The following CRACD variants were observed in gnomAD, a reference collection of about 807,000 sequenced individuals.
CRACD encodes the protein capping protein inhibiting regulator of actin dynamics.
A neutral mutation model predicts 106.8 loss-of-function variants in CRACD; 56 were observed. That is an observed-to-expected ratio of 0.52 (90% CI 0.42 to 0.66). CRACD has a LOEUF of 0.66. CRACD is among the 30% of genes least tolerant of loss of function. The pLI is 0.00. For missense variants in CRACD, 1,730 were observed against 1,623.2 expected (o/e 1.07, Z -1.13); for synonymous variants, 754 against 670.8 (o/e 1.12, Z -1.92).
At position 56,298,275 on chromosome 4, in the gene CRACD, G is replaced by C. The variant is rs202033143; in HGVS notation, c.46G>C (p.Gly16Arg). The change falls in exon 4 of 11, where the codon GGG (glycine) becomes CGG (arginine). Residue 16 changes from glycine (G) to arginine (R), a missense_variant. This residue lies in a region of CRACD where 1,620 missense variants were observed against 1,481.6 expected (regional missense o/e 1.09). Coordinates refer to ENST00000682029, the MANE Select transcript of CRACD (RefSeq NM_001393381.1). Reference sequence around the variant, plus strand: ...CCATGACAGTATTTTTATCCCTGATGGGGGAGCAGAAAGTGAGCAGACAGT... The same window carrying C: ...CCATGACAGTATTTTTATCCCTGATCGGGGAGCAGAAAGTGAGCAGACAGT... ...FSHDSIFIPD[G>R]GAESEQTVQA... The C allele has an allele frequency of 3.1e-6, 5 of 1,614,010 alleles. No individual in the cohort carries two copies. The African/African-American group carries it at 6.7e-5, about 22-fold the overall frequency.
intron 2 of CRACD, among the ~76,000 whole-genome samples, chr4:56,198,303 A>T (rs1737717129): frequency 6.6e-6 from 1 of 152,208 alleles, no homozygotes; most frequent in African/African-American, 2.4e-5. Context: ...AAAAGAAGAG[A>T]GGAGGTGCAC....
Position 56,152,463 on chromosome 4 carries a change from G to A in CRACD, c.-335-26821G>A, listed in dbSNP as rs116167660. Among the ~76,000 whole-genome samples, 1,075 of 151,620 alleles carry A rather than the reference G, an allele frequency of 7.1e-3. 9 individuals carry two copies. Among genetic ancestry groups the A allele is most frequent in the African/African-American group, 0.02 (807 of 41,370 alleles). ...AGCCTGGACAACATACCAAGGCCTT[G>A]TCTCTACAAAAAAAGAAAAAAAAAA... is the stretch of plus-strand genomic sequence containing the variant. On this transcript the variant is annotated intron_variant, in intron 1 of 10. Transcript: ENST00000682029.
intron 1 of CRACD, among the ~76,000 whole-genome samples, chr4:56,077,771 G>C (rs1431648818): frequency 6.6e-6 from 1 of 152,118 alleles, no homozygotes; most frequent in African/African-American, 2.4e-5. Context: ...TACTCTAATG[G>C]GGTGTACAAT....
chr4:56,065,212 C>T (rs1002225369), intron 1 of CRACD, among the ~76,000 whole-genome samples: 75 of 152,032 alleles, frequency 4.9e-4, no homozygotes, highest in African/African-American at 1.4e-3. Context: ...CTCAGCCTCC[C>T]GAGTAGCTGG....
intron 1 of CRACD, among the ~76,000 whole-genome samples, chr4:56,084,568 A>G (rs974791450): frequency 3.3e-5 from 5 of 152,158 alleles, no homozygotes; most frequent in African/African-American, 1.2e-4. Context: ...TAATATTGTT[A>G]CAGTTGGGGT....
intron 2 of CRACD, among the ~76,000 whole-genome samples, chr4:56,198,884 T>A (rs778396666): frequency 7.2e-5 from 11 of 152,228 alleles, no homozygotes; most frequent in Non-Finnish European, 1.2e-4. Context: ...TGATTCAGAT[T>A]TCATAAAATC....
intron 2 of CRACD, among the ~76,000 whole-genome samples, chr4:56,237,756 ACACAC>A (rs1740068358): frequency 1.3e-5 from 2 of 151,060 alleles, no homozygotes; most frequent in South Asian, 2.1e-4. Context: ...ACACACACAC[ACACAC>A]AAACACATAC....
intron 3 of CRACD, among the ~76,000 whole-genome samples, chr4:56,290,977 T>G (rs1182611028): frequency 1.3e-5 from 2 of 152,234 alleles, no homozygotes; most frequent in Non-Finnish European, 2.9e-5. Context: ...GTGCTTTGCA[T>G]TTGACTTCAA....
intron 1 of CRACD, among the ~76,000 whole-genome samples, chr4:56,111,161 G>T (rs1211975769): frequency 6.6e-6 from 1 of 152,084 alleles, no homozygotes; most frequent in African/African-American, 2.4e-5. Context: ...CGTACAAAAT[G>T]ATGGAACAAC....
At chr4:56,067,875 T>C (rs1692452728) in intron 1 of CRACD, among the ~76,000 whole-genome samples, 2 of 152,164 alleles carry the variant, frequency 1.3e-5, no homozygotes, top group Non-Finnish European at 2.9e-5. Flanking sequence ...CGCGCCTGGC[T>C]GTCTACTTCA....
At position 56,310,837 on chromosome 4, in the gene CRACD, A is replaced by G. The variant is rs1228389569; in HGVS notation, c.354+103A>G. 7 of 670,700 alleles carry G rather than the reference A, an allele frequency of 1.0e-5. No homozygotes were observed. The East Asian group carries it at 1.4e-4, about 13-fold the overall frequency. The allele number at this position is 670,700 out of a possible 1,614,324, so 41.5% of individuals were successfully genotyped here. A position where few individuals can be genotyped will look rare whatever the true frequency, so the allele number is the denominator to read the frequency against. Reference sequence around the variant, plus strand: ...CGACCTGCTGCCTCATTTTCCATTCATAAATGTTGCCTTCATATATTTAAA... The same window carrying G: ...CGACCTGCTGCCTCATTTTCCATTCGTAAATGTTGCCTTCATATATTTAAA... On this transcript the variant is annotated intron_variant, in intron 6 of 10. Coordinates refer to ENST00000682029, the MANE Select transcript of CRACD (RefSeq NM_001393381.1).
intron 3 of CRACD, among the ~76,000 whole-genome samples, chr4:56,283,635 C>A (rs532812523): frequency 7.9e-4 from 120 of 152,276 alleles, no homozygotes; most frequent in African/African-American, 2.9e-3. Flanking sequence ...CTAGGAGGAG[C>A]AGTTACTGGC....
intron 1 of CRACD, among the ~76,000 whole-genome samples, chr4:56,079,563 A>C (rs1353725206): frequency 1.3e-5 from 2 of 150,868 alleles, no homozygotes; most frequent in East Asian, 3.9e-4. Flanking sequence ...CTCGTGTCTC[A>C]GCTTCCCGAG....
chr4:56,214,188 G>A (rs1033625658), intron 2 of CRACD, among the ~76,000 whole-genome samples: 1 of 152,138 alleles, frequency 6.6e-6, no homozygotes, highest in Non-Finnish European at 1.5e-5. Flanking sequence ...CTGCTTCCTT[G>A]TAGATGGCCA....
chr4:56,327,791 A>G lies in CRACD; in HGVS notation c.3689A>G (p.Gln1230Arg). ...RKAKAWSDCP[Q>R]IIK Reference sequence around the variant, plus strand: ...GCAAAGGCTTGGAGCGACTGTCCACAGATTATTAAGTAAAGAGTGACTCTC... The same window carrying G: ...GCAAAGGCTTGGAGCGACTGTCCACGGATTATTAAGTAAAGAGTGACTCTC... Residue 1230 changes from glutamine (Q) to arginine (R), a missense_variant, in exon 11 of 11, where the codon CAG (glutamine) becomes CGG (arginine). Coordinates refer to ENST00000682029, the MANE Select transcript of CRACD (RefSeq NM_001393381.1). The G allele has an allele frequency of 1.1e-5, 17 of 1,614,096 alleles. No individual in the cohort carries two copies. Among genetic ancestry groups the G allele is most frequent in the Non-Finnish European group, 1.4e-5 (17 of 1,179,970 alleles).
intron 2 of CRACD, among the ~76,000 whole-genome samples, chr4:56,243,896 AT>A (rs1740514315): frequency 1.3e-5 from 2 of 152,052 alleles, no homozygotes; most frequent in Admixed American, 1.3e-4. Context: ...TTTTGTACCA[AT>A]TAACCATCCC....
At chr4:56,131,175 T>A (rs1302700242) in intron 1 of CRACD, among the ~76,000 whole-genome samples, 1 of 152,200 alleles carries the variant, frequency 6.6e-6, no homozygotes, top group Non-Finnish European at 1.5e-5. Context: ...AAGTCCCGGT[T>A]GAGCTACAAC....
chr4:56,195,996 A>G (rs1188415170), intron 2 of CRACD, among the ~76,000 whole-genome samples: 2 of 152,230 alleles, frequency 1.3e-5, no homozygotes, highest in Non-Finnish European at 2.9e-5. Context: ...TGTTAATACT[A>G]AAAAGGAAAG....
In CRACD at chr4:56,298,290, G is replaced by A. The variant is rs760251486; in HGVS notation, c.61G>A (p.Glu21Lys). ...IFIPDGGAES[E>K]QTVQAMSQDN... ...TATCCCTGATGGGGGAGCAGAAAGT[G>A]AGCAGACAGTTCAAGCAATGTCACA... The change falls in exon 4 of 11, where the codon GAG (glutamate) becomes AAG (lysine). Residue 21 changes from glutamate (E) to lysine (K), a missense_variant. Transcript: ENST00000682029. The A allele has an allele frequency of 1.5e-5, 24 of 1,614,154 alleles. No homozygotes were observed. The Middle Eastern group carries it at 4.9e-4, about 33-fold the overall frequency.
Sources: gnomAD v4.1 joint callset for allele counts (sites outside exome capture counted in the v4.1 genomes callset) on GRCh38, gnomAD v4.1.1 for gene constraint, gnomAD v4.1.1 regional missense constraint, MANE v1.5 for transcripts, NCBI Gene and HGNC (gene_info 2026-07-23, HGNC 2026-07-21) for gene names.